The following TRPM8 variants were observed in gnomAD, a reference collection of about 807,000 sequenced individuals.
TRPM8 encodes TRPM8 cationic channel.
TRPM8 carries 110 observed loss-of-function variants against 133.7 expected under a neutral mutation model. The observed-to-expected ratio is 0.82, with a 90% CI of 0.70 to 0.96. The LOEUF is 0.96. TRPM8 is among the 40% of genes least tolerant of loss of function. TRPM8 has a pLI of 0.00. For missense variants in TRPM8, 1,291 were observed against 1,379.5 expected, an observed-to-expected ratio of 0.94 and a Z score of 1.02; for synonymous variants, 535 against 532.3, an observed-to-expected ratio of 1.01 and a Z score of -0.07.
intron 7 of TRPM8, 110 bp downstream of exon 7, chr2:233,946,140 C>T: frequency 1.9e-6 from 2 of 1,072,888 alleles, no homozygotes; most frequent in Non-Finnish European, 2.7e-6. Context: ...CACACCTGAT[C>T]AGGTATTTTT....
Position 234,018,845 on chromosome 2 carries a change from A to AAAAC in TRPM8, c.*1592_*1593insCAAA, listed in dbSNP as rs71400709. The AAAAC allele has an allele frequency of 1.4e-5, 2 of 141,830 alleles. No homozygotes were observed. Among genetic ancestry groups the AAAAC allele is most frequent in the Admixed American group, 1.4e-4 (2 of 14,130 alleles). 8.8% of individuals were successfully genotyped at this position (141,830 alleles called of 1,614,324 possible). ...GGGTGACAGAGTGAGACTCCGACTGAAAATAAATAAATAAATAAATAAATA... is the reference window on the plus strand; with the variant it reads ...GGGTGACAGAGTGAGACTCCGACTGAAAACAAATAAATAAATAAATAAATAAATA... On this transcript the variant is annotated 3_prime_UTR_variant, in exon 26 of 26. Transcript: ENST00000324695.
chr2:234,007,111 CGTAA>C (rs1692714070), intron 23 of TRPM8, among the ~76,000 whole-genome samples, 159 bp downstream of exon 23: 1 of 152,172 alleles, frequency 6.6e-6, no homozygotes, highest in Admixed American at 6.5e-5. Flanking sequence ...ATGACAAACG[CGTAA>C]GTGTGTGCCA....
intron 11 of TRPM8, among the ~76,000 whole-genome samples, chr2:233,956,345 A>T (rs896391682): frequency 1.2e-4 from 18 of 152,174 alleles, no homozygotes; most frequent in African/African-American, 4.3e-4. Context: ...TCTTTCTAGC[A>T]AACTGCATTT....
chr2:234,008,179 T>A, intron 24 of TRPM8, 76 bp downstream of exon 24: 2 of 1,403,624 alleles, frequency 1.4e-6, no homozygotes, highest in Non-Finnish European at 2.0e-6. Context: ...TAGAGGCCAG[T>A]AGTTGTGATA....
intron 5 of TRPM8, among the ~76,000 whole-genome samples, chr2:233,941,580 G>T (rs997378539): frequency 2.9e-4 from 44 of 152,252 alleles, no homozygotes; most frequent in Middle Eastern, 3.4e-3. Flanking sequence ...AGCTCCTGAC[G>T]CTTCTCTTAC....
chr2:233,940,835 G>T (rs188770701), intron 5 of TRPM8, among the ~76,000 whole-genome samples: 1 of 152,346 alleles, frequency 6.6e-6, no homozygotes, highest in African/African-American at 2.4e-5. Flanking sequence ...TAAAGATAAG[G>T]ATTAGGGATA....
At chr2:234,009,816 G>A (rs1692790244) in intron 24 of TRPM8, among the ~76,000 whole-genome samples, 1 of 152,062 alleles carries the variant, frequency 6.6e-6, no homozygotes, top group Non-Finnish European at 1.5e-5. Context: ...TTTTTAAACA[G>A]CTTTATTGAG....
At chr2:234,016,722 G>A (rs562830353) in intron 25 of TRPM8, among the ~76,000 whole-genome samples, 1 of 152,228 alleles carries the variant, frequency 6.6e-6, no homozygotes, top group Admixed American at 6.5e-5. Flanking sequence ...AGAATCCAGG[G>A]TGAGAGCAAG....
intron 25 of TRPM8, among the ~76,000 whole-genome samples, chr2:234,016,088 A>T (rs751029356): frequency 1.3e-5 from 2 of 152,198 alleles, no homozygotes; most frequent in African/African-American, 2.4e-5. Context: ...AGACAGACTG[A>T]TTTCCTATCA....
chr2:233,938,938 TA>T, intron 4 of TRPM8, 59 bp from the exon 5 acceptor site: 1 of 1,570,092 alleles, frequency 6.4e-7, no homozygotes, highest in Non-Finnish European at 8.7e-7. Context: ...GAGGGAATGC[TA>T]AACCCCGACC....
intron 17 of TRPM8, among the ~76,000 whole-genome samples, chr2:233,972,801 T>G (rs11892658): frequency 0.31 from 47,276 of 152,050 alleles, 10,261 homozygotes; most frequent in African/African-American, 0.6. Flanking sequence ...CGGAACTCCA[T>G]CTGGCCCGCA....
At chr2:233,987,076 C>A (rs570038226) in intron 21 of TRPM8, among the ~76,000 whole-genome samples, 1 of 152,230 alleles carries the variant, frequency 6.6e-6, no homozygotes, top group African/African-American at 2.4e-5. Flanking sequence ...AAACCTCTGT[C>A]GGAACTCTCT....
chr2:234,001,198 T>C (rs1692555006), intron 22 of TRPM8, among the ~76,000 whole-genome samples: 1 of 152,012 alleles, frequency 6.6e-6, no homozygotes, highest in African/African-American at 2.4e-5. Flanking sequence ...TATGACCTGC[T>C]GTAGGGGAAG....
chr2:233,986,817 AAAAT>A (rs542629218), intron 21 of TRPM8, among the ~76,000 whole-genome samples: 12 of 152,240 alleles, frequency 7.9e-5, no homozygotes, highest in Non-Finnish European at 1.2e-4. Context: ...CTTGTCAGAG[AAAAT>A]AAATAATTCA....
Position 233,983,327 on chromosome 2 carries a change from G to A in TRPM8, c.2761+103G>A, listed in dbSNP as rs557445637. 12 of 1,289,506 alleles carry A rather than the reference G, an allele frequency of 9.3e-6. No homozygotes were observed. The East Asian group carries it at 1.9e-4, about 21-fold the overall frequency. The allele number at this position is 1,289,506 out of a possible 1,614,324, so 79.9% of individuals were successfully genotyped here. ...GAGACCGCACTTCAGAAGCACGCGC[G>A]TGAAACGGAGTCCAACATAACAGAG... On this transcript the variant is annotated intron_variant, in intron 20 of 25. Coordinates refer to ENST00000324695, the MANE Select transcript of TRPM8 (RefSeq NM_024080.5).
chr2:233,996,645 A>G, intron 22 of TRPM8, 129 bp downstream of exon 22: 1 of 894,282 alleles, frequency 1.1e-6, no homozygotes, highest in Admixed American at 2.5e-5. Context: ...GTACATCTGT[A>G]AAGATCAGGC....
At chr2:233,934,695 C>A (rs142870487) in intron 3 of TRPM8, among the ~76,000 whole-genome samples, 38 of 152,202 alleles carry the variant, frequency 2.5e-4, no homozygotes, top group African/African-American at 8.4e-4. Flanking sequence ...TTACCCTGGG[C>A]TTCCAGCACT....
rs2125115923 is a variant in TRPM8, at chr2:233,946,195, G to GAA, written c.874+165_874+166insAA. The GAA allele has an allele frequency of 7.4e-6, 5 of 678,166 alleles. No homozygotes were observed. The East Asian group carries it at 1.4e-4, about 19-fold the overall frequency. 42.0% of individuals were successfully genotyped at this position (678,166 alleles called of 1,614,324 possible). A position where few individuals can be genotyped will look rare whatever the true frequency, so the allele number is the denominator to read the frequency against. ...TTCTCTTAATTTTTCCAACACATCAGGAATGCTTCTGCCAGGGTCAATGTG... is the reference window on the plus strand; with the variant it reads ...TTCTCTTAATTTTTCCAACACATCAGAAGAATGCTTCTGCCAGGGTCAATGTG... On this transcript the variant is annotated intron_variant, in intron 7 of 25. Coordinates refer to ENST00000324695, the MANE Select transcript of TRPM8 (RefSeq NM_024080.5).
At chr2:233,927,924 T>TTCTCTCTCTCTTTCTCTCTC (rs1691594138) in intron 2 of TRPM8, among the ~76,000 whole-genome samples, 7 of 28,060 alleles carry the variant, frequency 2.5e-4, no homozygotes, top group Non-Finnish European at 3.3e-4. Context: ...CTCTCTCTCT[T>TTCTCTCTCTCTTTCTCTCTC]TCTCTCTCTC....
Sources: allele counts gnomAD v4.1 joint callset (sites outside exome capture counted in the v4.1 genomes callset), GRCh38; gene constraint gnomAD v4.1.1; transcripts MANE v1.5; gene names NCBI Gene and HGNC (gene_info 2026-07-23, HGNC 2026-07-21).